RUNX1: variants seen among roughly 807,000 people sequenced by gnomAD.
The protein encoded by RUNX1 is runt-related transcription factor 1.
RUNX1 carries 19 observed loss-of-function variants against 42.8 expected under a neutral mutation model. The ratio of observed to expected loss-of-function variants is 0.44; its 90% CI spans 0.31 to 0.65. The LOEUF is 0.65. RUNX1 is among the 30% of genes least tolerant of loss of function. RUNX1 has a pLI of 0.07. For missense variants in RUNX1, 528 were observed against 672.0 expected (o/e 0.79, Z 2.37); for synonymous variants, 271 against 289.4 (o/e 0.94, Z 0.64).
intron 6 of RUNX1, among the ~76,000 whole-genome samples, chr21:34,849,842 T>A (rs8134380): frequency 0.63 from 96,031 of 151,254 alleles, 31,633 homozygotes; most frequent in African/African-American, 0.82. Context: ...AGAAATTGCC[T>A]ATCAGCTCAA....
intron 5 of RUNX1, among the ~76,000 whole-genome samples, chr21:34,871,817 T>A (rs961132806): frequency 1.3e-5 from 2 of 151,310 alleles, no homozygotes; most frequent in African/African-American, 2.4e-5. Flanking sequence ...TGTCTGTCAG[T>A]GACACACACC....
intron 2 of RUNX1, among the ~76,000 whole-genome samples, chr21:34,998,088 T>C (rs560174495): frequency 3.8e-4 from 58 of 152,282 alleles, no homozygotes; most frequent in South Asian, 4.1e-4. Context: ...ATGACTTGGG[T>C]AAGCATTGCA....
intron 2 of RUNX1, among the ~76,000 whole-genome samples, chr21:34,923,430 C>G (rs767919373): frequency 6.6e-6 from 1 of 152,106 alleles, no homozygotes; most frequent in Non-Finnish European, 1.5e-5. Flanking sequence ...CAGTTATGCA[C>G]GTTTTTAAGT....
At chr21:34,861,249 G>C (rs2057570600) in intron 5 of RUNX1, among the ~76,000 whole-genome samples, 1 of 152,184 alleles carries the variant, frequency 6.6e-6, no homozygotes, top group Non-Finnish European at 1.5e-5. Context: ...CTGAAGGAGA[G>C]GACTGGGTAG....
intron 7 of RUNX1, among the ~76,000 whole-genome samples, chr21:34,801,113 A>C (rs915505388): frequency 6.6e-6 from 1 of 152,090 alleles, no homozygotes. Flanking sequence ...CAAGTGAAAA[A>C]AAAATCATAT....
intron 2 of RUNX1, among the ~76,000 whole-genome samples, chr21:34,930,795 G>A (rs2058438613): frequency 6.6e-6 from 1 of 151,596 alleles, no homozygotes; most frequent in Non-Finnish European, 1.5e-5. Flanking sequence ...GAAAAGACAA[G>A]GAAGAAAACT....
intron 8 of RUNX1, among the ~76,000 whole-genome samples, chr21:34,797,337 ACTGTG>A (rs1341014812): frequency 6.6e-6 from 1 of 152,212 alleles, no homozygotes; most frequent in African/African-American, 2.4e-5. Context: ...CACAAATGTA[ACTGTG>A]ATATGGGACT....
intron 2 of RUNX1, among the ~76,000 whole-genome samples, chr21:34,899,523 G>A (rs1569094147): frequency 6.6e-6 from 1 of 152,062 alleles, no homozygotes; most frequent in East Asian, 1.9e-4. Context: ...TGCTGTTTAA[G>A]CCACCCAGTC....
chr21:34,888,713 C>A, intron 3 of RUNX1: 1 of 1,030,530 alleles, frequency 9.7e-7, no homozygotes, highest in African/African-American at 1.7e-5. Flanking sequence ...TGGAAATGAA[C>A]GTGCTTTTAC....
At chr21:34,997,035 G>T (rs186530556) in intron 2 of RUNX1, among the ~76,000 whole-genome samples, 5 of 152,270 alleles carry the variant, frequency 3.3e-5, no homozygotes, top group Admixed American at 2.6e-4. Flanking sequence ...CCAAACTGAA[G>T]AAATTTACTC....
chr21:35,046,259 T>A (rs1017466341), intron 2 of RUNX1, among the ~76,000 whole-genome samples: 2 of 152,224 alleles, frequency 1.3e-5, no homozygotes, highest in African/African-American at 4.8e-5. Context: ...TCTCTCAGAC[T>A]CCGGCTTGCC....
At chr21:34,864,319 C>T (rs2057624349) in intron 5 of RUNX1, among the ~76,000 whole-genome samples, 1 of 152,230 alleles carries the variant, frequency 6.6e-6, no homozygotes, top group South Asian at 2.1e-4. Context: ...TCAAGTGTTT[C>T]TCCCAGCGAG....
intron 2 of RUNX1, among the ~76,000 whole-genome samples, chr21:34,983,503 C>G (rs2058862416): frequency 1.3e-5 from 2 of 152,138 alleles, no homozygotes; most frequent in African/African-American, 4.8e-5. Flanking sequence ...TTCTAAATGT[C>G]AAATAAAAGG....
At position 34,792,496 on chromosome 21, in the gene RUNX1, G is replaced by A. The variant is rs1017287894; in HGVS notation, c.1082C>T (p.Thr361Ile). 1.3e-6 allele frequency: 2 copies of A among 1,596,838 alleles called. No homozygotes were observed. Among genetic ancestry groups the A allele is most frequent in the Non-Finnish European group, 1.7e-6 (2 of 1,171,768 alleles). The change falls in exon 9 of 9, where the codon ACC becomes ATC. Residue 361 changes from threonine (T) to isoleucine (I), a missense_variant. By Grantham distance (89) the Thr-to-Ile change is moderately conservative. Around this residue, in one of 3 missense-constraint regions of RUNX1, gnomAD observed 331 missense variants for 382.5 expected, o/e 0.87. Coordinates refer to ENST00000675419, the MANE Select transcript of RUNX1 (RefSeq NM_001754.5). This position sits in a 1 kb window ranked among gnomAD's most constrained non-coding sequence, Gnocchi z 6.9. ...CGACATGCCGATGCCGATGCCCGAG[G>A]TGACCGGCGTCGGGGAGTAGGTGAA... ...GAFTYSPTPV[T>I]SGIGIGMSAM...
intron 7 of RUNX1, among the ~76,000 whole-genome samples, chr21:34,812,331 G>C (rs2056768667): frequency 6.6e-6 from 1 of 152,154 alleles, no homozygotes; most frequent in African/African-American, 2.4e-5. Flanking sequence ...AGTTGACCTT[G>C]ATGTGAACTA....
intron 2 of RUNX1, among the ~76,000 whole-genome samples, chr21:35,023,086 G>A (rs1569154842): frequency 6.6e-6 from 1 of 151,810 alleles, no homozygotes; most frequent in Non-Finnish European, 1.5e-5. Context: ...AGGACTACAG[G>A]TGTATGCCAC....
chr21:35,035,674 T>A (rs546632850), intron 2 of RUNX1, among the ~76,000 whole-genome samples: 5 of 152,180 alleles, frequency 3.3e-5, no homozygotes, highest in Non-Finnish European at 7.3e-5. Context: ...ATAACTTTAG[T>A]GGGTCAGCCA....
chr21:35,028,474 TCTC>T (rs369530378), intron 2 of RUNX1, among the ~76,000 whole-genome samples: 20 of 152,294 alleles, frequency 1.3e-4, no homozygotes, highest in African/African-American at 4.8e-4. Context: ...ATTCATTTCT[TCTC>T]CTCTGTCTTT....
At chr21:34,975,568 T>G (rs576539208) in intron 2 of RUNX1, among the ~76,000 whole-genome samples, 1 of 152,324 alleles carries the variant, frequency 6.6e-6, no homozygotes, top group Admixed American at 6.5e-5. Context: ...AGAGGGGTCC[T>G]GAAACCAATA....
Sources: gnomAD v4.1 joint callset for allele counts (sites outside exome capture counted in the v4.1 genomes callset) on GRCh38, gnomAD v4.1.1 for gene constraint, gnomAD v4.1.1 regional missense constraint, Gnocchi (gnomAD v3.1) non-coding constraint, MANE v1.5 for transcripts, NCBI Gene and HGNC (gene_info 2026-07-23, HGNC 2026-07-21) for gene names.